Variants in UTRN observed in about 807,000 individuals in gnomAD.
The protein encoded by UTRN is dystrophin-related protein 1.
Under a neutral mutation model 463.9 loss-of-function variants are expected in UTRN, and 283 were observed. That is an observed-to-expected ratio of 0.61 (90% CI 0.55 to 0.67). The LOEUF is 0.67. Ranked by LOEUF, UTRN falls within the 30% of genes least tolerant of loss-of-function variation. The probability of loss-of-function intolerance (pLI) is 0.00; values close to 1 mark genes in which losing one functional copy is unlikely to be tolerated. For missense variants in UTRN, 3,922 were observed against 4,084.3 expected, an observed-to-expected ratio of 0.96 and a Z score of 1.08; for synonymous variants, 1,442 against 1,431.5, an observed-to-expected ratio of 1.01 and a Z score of -0.17.
chr6:144,724,459 C>T (rs1488105736), intron 53 of UTRN, among the ~76,000 whole-genome samples: 12 of 151,792 alleles, frequency 7.9e-5, no homozygotes, highest in Non-Finnish European at 1.5e-4. Flanking sequence ...GAACTCCTGA[C>T]CTTGTGATCC....
chr6:144,738,275 G>A (rs117825268), intron 54 of UTRN, among the ~76,000 whole-genome samples: 214 of 152,278 alleles, frequency 1.4e-3, no homozygotes, highest in Non-Finnish European at 2.7e-3. Flanking sequence ...TGTGCTGCCA[G>A]CCTCCCCTGG....
Position 144,493,340 on chromosome 6 carries a change from G to T in UTRN, c.4477G>T (p.Glu1493Ter). The T allele has an allele frequency of 6.2e-7, 1 of 1,614,114 alleles. No individual in the cohort carries two copies. The highest frequency in any genetic ancestry group is 1.7e-5 in the Admixed American group (1 of 60,018). Reference protein sequence around the residue: ...KTLSEVKLEVETVIKTGRHIV... With the variant: ...KTLSEVKLEV ...TTTGAGTGAAGTCAAACTTGAAGTGGAAACTGTGATTAAAACAGGAAGACA... is the reference window on the plus strand; with the variant it reads ...TTTGAGTGAAGTCAAACTTGAAGTGTAAACTGTGATTAAAACAGGAAGACA... The change falls in exon 33 of 75, where the codon GAA (glutamate) becomes TAA (stop). Residue 1493 changes from glutamate to a stop codon, truncating the protein, a stop_gained. Transcript: ENST00000367545. LOFTEE classifies it high-confidence loss of function.
At chr6:144,562,179 A>T (rs1388690277) in intron 50 of UTRN, among the ~76,000 whole-genome samples, 4 of 152,180 alleles carry the variant, frequency 2.6e-5, no homozygotes, top group Non-Finnish European at 5.9e-5. Context: ...ATTTAAAAAG[A>T]CACAATTATT....
At chr6:144,605,001 A>G (rs980876815) in intron 51 of UTRN, among the ~76,000 whole-genome samples, 1 of 152,186 alleles carries the variant, frequency 6.6e-6, no homozygotes, top group Non-Finnish European at 1.5e-5. Context: ...TCTCATATTT[A>G]TGGAAGAATC....
intron 9 of UTRN, among the ~76,000 whole-genome samples, chr6:144,434,116 G>A (rs369544743): frequency 1.9e-4 from 29 of 152,334 alleles, no homozygotes; most frequent in East Asian, 3.9e-4. Context: ...CGAGGCTGGC[G>A]GATCACTCGC....
At chr6:144,821,216 C>T (rs1351177839) in intron 66 of UTRN, among the ~76,000 whole-genome samples, 198 bp downstream of exon 66, 1 of 152,130 alleles carries the variant, frequency 6.6e-6, no homozygotes, top group African/African-American at 2.4e-5. Flanking sequence ...CAATTTTAAC[C>T]TTGCACATGT....
At chr6:144,843,332 T>A (rs1781753303) in intron 73 of UTRN, among the ~76,000 whole-genome samples, 1 of 152,030 alleles carries the variant, frequency 6.6e-6, no homozygotes, top group African/African-American at 2.4e-5. Flanking sequence ...ATTCTAAAAA[T>A]GTGGGATTTT....
At position 144,404,716 on chromosome 6, in the gene UTRN, C is replaced by T. The variant is rs1783230327; in HGVS notation, c.141+1532C>T. On this transcript the variant is annotated intron_variant, in intron 3 of 74. Transcript: ENST00000367545. ...TTGAAACTGGGTAAATTACTTTTTA[C>T]CTATTTATGAAAATGGAGAGAAATA... Among the ~76,000 whole-genome samples, 4 of 151,948 alleles carry T rather than the reference C, an allele frequency of 2.6e-5. No homozygotes were observed. In the South Asian group the frequency reaches 8.3e-4, roughly 32 times the overall value.
At chr6:144,688,150 T>A (rs1782943373) in intron 52 of UTRN, among the ~76,000 whole-genome samples, 1 of 152,214 alleles carries the variant, frequency 6.6e-6, no homozygotes, top group Non-Finnish European at 1.5e-5. Flanking sequence ...TTCTTTCTTA[T>A]ACTTAGTCTA....
Position 144,429,569 on chromosome 6 carries a change from T to C in UTRN, c.695-12T>C. The C allele has an allele frequency of 6.3e-7, 1 of 1,589,368 alleles. No homozygotes were observed. ...CTAATTTAAGCTGGTTCTTATATTC[T>C]TCCACTTTTAGATGTTGCCGTTCAG... On this transcript the variant is annotated splice_polypyrimidine_tract_variant and intron_variant, in intron 8 of 74. Coordinates refer to ENST00000367545, the MANE Select transcript of UTRN (RefSeq NM_007124.3).
In UTRN at chr6:144,414,374, A is replaced by G. The variant is rs1424340706; in HGVS notation, c.142-7504A>G. Among the ~76,000 whole-genome samples the G allele has an allele frequency of 3.3e-5, 5 of 152,220 alleles. No homozygotes were observed. In the East Asian group the frequency reaches 5.8e-4, roughly 18 times the overall value. ...ACAAAAAAGTTTGAAAACTAAAAAA[A>G]TACAGTTTTAAAAATTGAAAAAGCC... On this transcript the variant is annotated intron_variant, in intron 3 of 74. Transcript: ENST00000367545.
intron 2 of UTRN, among the ~76,000 whole-genome samples, chr6:144,376,915 TG>T (rs1279496142): frequency 5.2e-4 from 79 of 152,350 alleles, no homozygotes; most frequent in African/African-American, 1.9e-3. Context: ...TTAATAATAC[TG>T]TGCTCTAAGC....
chr6:144,361,410 T>C (rs28737224), intron 2 of UTRN, among the ~76,000 whole-genome samples: 9,852 of 152,126 alleles, frequency 0.065, 1,071 homozygotes, highest in African/African-American at 0.22. Context: ...CAGGGAAATA[T>C]TAGTTTCAAT....
intron 51 of UTRN, among the ~76,000 whole-genome samples, chr6:144,579,988 G>A (rs1418538488): frequency 6.6e-6 from 1 of 152,092 alleles, no homozygotes; most frequent in Admixed American, 6.5e-5. Flanking sequence ...TTTATTTTCA[G>A]CACCTTATAG....
intron 3 of UTRN, among the ~76,000 whole-genome samples, chr6:144,409,551 G>T (rs1783700742): frequency 6.6e-6 from 1 of 152,130 alleles, no homozygotes; most frequent in Non-Finnish European, 1.5e-5. Context: ...GGGCTCTGGT[G>T]GTGCAGGGAA....
intron 26 of UTRN, among the ~76,000 whole-genome samples, chr6:144,480,521 G>A (rs887235610): frequency 4.6e-5 from 7 of 152,172 alleles, no homozygotes; most frequent in African/African-American, 1.4e-4. Context: ...GAACACTGAC[G>A]TTTCATTAGA....
At chr6:144,687,645 T>A (rs994490543) in intron 52 of UTRN, among the ~76,000 whole-genome samples, 1 of 152,180 alleles carries the variant, frequency 6.6e-6, no homozygotes, top group Non-Finnish European at 1.5e-5. Flanking sequence ...TTAAAGAGGC[T>A]ACAGGTAGGA....
intron 23 of UTRN, among the ~76,000 whole-genome samples, chr6:144,468,303 G>A (rs760884141): frequency 6.6e-6 from 1 of 151,346 alleles, no homozygotes; most frequent in African/African-American, 2.5e-5. Context: ...GCAGGTTGTT[G>A]CCCATCTGAA....
chr6:144,522,337 A>G (rs1796179665), intron 40 of UTRN, among the ~76,000 whole-genome samples, 166 bp downstream of exon 40: 1 of 152,214 alleles, frequency 6.6e-6, no homozygotes, highest in African/African-American at 2.4e-5. Flanking sequence ...AAGAAAATAT[A>G]TTAAATTTTG....
Sources: allele counts gnomAD v4.1 joint callset (sites outside exome capture counted in the v4.1 genomes callset), GRCh38; gene constraint gnomAD v4.1.1; transcripts MANE v1.5; gene names NCBI Gene and HGNC (gene_info 2026-07-23, HGNC 2026-07-21).